PCDHGC4: variants seen among roughly 807,000 people sequenced by gnomAD.
The protein encoded by PCDHGC4 is protocadherin gamma subfamily C, 4.
A neutral mutation model predicts 59.7 loss-of-function variants in PCDHGC4; 15 were observed. The observed-to-expected ratio is 0.25, with a 90% CI of 0.17 to 0.39. PCDHGC4 has a LOEUF of 0.39. Ranked by LOEUF, PCDHGC4 falls within the 10% of genes least tolerant of loss-of-function variation. The probability of loss-of-function intolerance (pLI) is 1.00; values close to 1 mark genes in which losing one functional copy is unlikely to be tolerated. For synonymous variants in PCDHGC4, 434 were observed against 481.4 expected (o/e 0.90, Z 1.29); for missense variants, 1,016 against 1,189.5 (o/e 0.85, Z 2.15).
Position 141,491,034 on chromosome 5 carries a change from T to G in PCDHGC4, c.2442+3419T>G, listed in dbSNP as rs375902824. 1 of 1,614,170 alleles carries G rather than the reference T, an allele frequency of 6.2e-7. No homozygotes were observed. The highest frequency in any genetic ancestry group is 8.5e-7 in the Non-Finnish European group (1 of 1,180,024). On this transcript the variant is annotated intron_variant, in intron 1 of 3. Coordinates refer to ENST00000306593, the MANE Select transcript of PCDHGC4 (RefSeq NM_018928.3). The surrounding 1 kb of genome is among the most constrained non-coding windows in gnomAD (Gnocchi z 6.9). ...CCAAGGTGACAGCCGTGGATGCTGATGCAGGCCACAATGCGTGGCTCTCCT... is the reference window on the plus strand; with the variant it reads ...CCAAGGTGACAGCCGTGGATGCTGAGGCAGGCCACAATGCGTGGCTCTCCT...
Position 141,491,889 on chromosome 5 carries a change from C to T in PCDHGC4, c.2443-2918C>T, listed in dbSNP as rs2099734763. On this transcript the variant is annotated intron_variant, in intron 1 of 3. Transcript: ENST00000306593. The surrounding 1 kb of genome is among the most constrained non-coding windows in gnomAD (Gnocchi z 6.9). ...GAGTGGCCGATTAAGGGATGGGGCT[C>T]CGAGCACCGGGGGTGGTGGCGACTG... 11 of 1,441,360 alleles carry T rather than the reference C, an allele frequency of 7.6e-6. No individual in the cohort carries two copies. Among genetic ancestry groups the T allele is most frequent in the Non-Finnish European group, 1.0e-5 (11 of 1,090,600 alleles). 89.3% of individuals were successfully genotyped at this position (1,441,360 alleles called of 1,614,324 possible).
chr5:141,489,458 G>A lies in PCDHGC4; in HGVS notation c.2442+1843G>A, dbSNP rs143138320. 3.5e-5 allele frequency: 56 copies of A among 1,614,042 alleles called. No homozygotes were observed. The highest frequency in any genetic ancestry group is 8.0e-5 in the African/African-American group (6 of 75,052). ...CAATTGGGCTCTGAGGAGAATGGGC[G>A]CTATTTTTCCCTGAGCTTGATGAGT... is the stretch of plus-strand genomic sequence containing the variant. On this transcript the variant is annotated intron_variant, in intron 1 of 3. Transcript: ENST00000306593. This position sits in a 1 kb window ranked among gnomAD's most constrained non-coding sequence, Gnocchi z 4.5.
chr5:141,489,166 C>A lies in PCDHGC4; in HGVS notation c.2442+1551C>A. The A allele has an allele frequency of 9.1e-7, 1 of 1,099,536 alleles. No individual in the cohort carries two copies. The highest frequency in any genetic ancestry group is 1.3e-6 in the Non-Finnish European group (1 of 761,554). The allele number at this position is 1,099,536 out of a possible 1,614,324, so 68.1% of individuals were successfully genotyped here. ...AAGGAGACATAAGAGACTTCAGCTGCTGCATTCCAAGCCCTGGGTCTACCT... is the reference window on the plus strand; with the variant it reads ...AAGGAGACATAAGAGACTTCAGCTGATGCATTCCAAGCCCTGGGTCTACCT... On this transcript the variant is annotated intron_variant, in intron 1 of 3. Transcript: ENST00000306593. This position sits in a 1 kb window ranked among gnomAD's most constrained non-coding sequence, Gnocchi z 4.5.
chr5:141,499,275 C>T (rs1259707742), intron 2 of PCDHGC4, among the ~76,000 whole-genome samples: 1 of 152,178 alleles, frequency 6.6e-6, no homozygotes, highest in African/African-American at 2.4e-5. Flanking sequence ...CTAGACTGTT[C>T]TCTGATGGCT....
In PCDHGC4 at chr5:141,485,433, A is replaced by G. The variant is rs2099613324; in HGVS notation, c.260A>G (p.Lys87Arg). The change falls in exon 1 of 4, where the codon AAG (lysine) becomes AGG (arginine). Residue 87 changes from lysine (K) to arginine (R), a missense_variant. Transcript: ENST00000306593. The surrounding 1 kb of genome is among the most constrained non-coding windows in gnomAD (Gnocchi z 5.7). Reference protein sequence around the residue: ...VDLDSGALLIKNPIDREALCG... With the variant: ...VDLDSGALLIRNPIDREALCG... The stretch of plus-strand genomic sequence containing the variant: ...TTGGACAGCGGAGCCCTGCTCATCA[A>G]GAACCCAATCGACCGAGAGGCACTG... 6 of 1,614,208 alleles carry G rather than the reference A, an allele frequency of 3.7e-6. No homozygotes were observed. Among genetic ancestry groups the G allele is most frequent in the Non-Finnish European group, 5.1e-6 (6 of 1,180,030 alleles).
At position 141,489,369 on chromosome 5, in the gene PCDHGC4, G is replaced by T; in HGVS notation, c.2442+1754G>T. ...TGGTGGAGGAGTCTGAGCCGGGGAC[G>T]CTGGTGGGGAATGTTGCTCAGGATC... On this transcript the variant is annotated intron_variant, in intron 1 of 3. Coordinates refer to ENST00000306593, the MANE Select transcript of PCDHGC4 (RefSeq NM_018928.3). This position sits in a 1 kb window ranked among gnomAD's most constrained non-coding sequence, Gnocchi z 4.5. 6.2e-7 allele frequency: 1 copy of T among 1,613,592 alleles called. No homozygotes were observed.
rs751024373 is a variant in PCDHGC4, at chr5:141,491,801, G to A, written c.2443-3006G>A. On this transcript the variant is annotated intron_variant, in intron 1 of 3. Coordinates refer to ENST00000306593, the MANE Select transcript of PCDHGC4 (RefSeq NM_018928.3). The surrounding 1 kb of genome is among the most constrained non-coding windows in gnomAD (Gnocchi z 6.9). ...AACTTGCATCCACTCCTCTCCGGCC[G>A]GCTTGGTCGCTGGCTGCGCTCCACC... 2.7e-6 allele frequency: 4 copies of A among 1,500,726 alleles called. No homozygotes were observed. The Admixed American group carries it at 7.3e-5, about 28-fold the overall frequency. 93.0% of individuals were successfully genotyped at this position (1,500,726 alleles called of 1,614,324 possible). A position where few individuals can be genotyped will look rare whatever the true frequency, so the allele number is the denominator to read the frequency against.
intron 2 of PCDHGC4, among the ~76,000 whole-genome samples, chr5:141,500,453 C>T (rs1403599390): frequency 6.6e-6 from 1 of 152,130 alleles, no homozygotes; most frequent in South Asian, 2.1e-4. Context: ...TCGTGATCCG[C>T]CCGCCTCGGC....
Position 141,489,629 on chromosome 5 carries a change from C to T in PCDHGC4, c.2442+2014C>T. Reference sequence around the variant, plus strand: ...GAGATCCTGGATCTCAATGACAACTCTCCTAGCTTTGCCACCCCTGAGCGA... The same window carrying T: ...GAGATCCTGGATCTCAATGACAACTTTCCTAGCTTTGCCACCCCTGAGCGA... On this transcript the variant is annotated intron_variant, in intron 1 of 3. Transcript: ENST00000306593. This position sits in a 1 kb window ranked among gnomAD's most constrained non-coding sequence, Gnocchi z 4.5. 6.2e-7 allele frequency: 1 copy of T among 1,614,142 alleles called. No homozygotes were observed. The highest frequency in any genetic ancestry group is 1.7e-5 in the Admixed American group (1 of 60,032).
At position 141,487,010 on chromosome 5, in the gene PCDHGC4, GC is replaced by G. The variant is rs2099638172; in HGVS notation, c.1841del (p.Pro614GlnfsTer34). ...NAWVSYQLLE[A>X]PDPSLFAVSR... ...TTGGGTTTCCTATCAGCTCCTGGAG[GC>G]CCCAGATCCCAGCCTGTTTGCAGTC... is the stretch of plus-strand genomic sequence containing the variant. On this transcript the variant is annotated frameshift_variant, in exon 1 of 4. Coordinates refer to ENST00000306593, the MANE Select transcript of PCDHGC4 (RefSeq NM_018928.3). LOFTEE classifies it high-confidence loss of function. This position sits in a 1 kb window ranked among gnomAD's most constrained non-coding sequence, Gnocchi z 5.0. 6.2e-7 allele frequency: 1 copy of G among 1,614,096 alleles called. No individual in the cohort carries two copies. Among genetic ancestry groups the G allele is most frequent in the Non-Finnish European group, 8.5e-7 (1 of 1,180,056 alleles).
At position 141,491,539 on chromosome 5, in the gene PCDHGC4, A is replaced by G; in HGVS notation, c.2443-3268A>G. ...GTACATGGAGGTGACGCTGCGGCCC[A>G]CAGACTCGCAGAGCCACTGCTACAG... On this transcript the variant is annotated intron_variant, in intron 1 of 3. Coordinates refer to ENST00000306593, the MANE Select transcript of PCDHGC4 (RefSeq NM_018928.3). This position sits in a 1 kb window ranked among gnomAD's most constrained non-coding sequence, Gnocchi z 6.9. The G allele has an allele frequency of 6.2e-7, 1 of 1,613,968 alleles. No homozygotes were observed. The highest frequency in any genetic ancestry group is 1.1e-5 in the South Asian group (1 of 91,074).
At position 141,485,566 on chromosome 5, in the gene PCDHGC4, C is replaced by T. The variant is rs768144422; in HGVS notation, c.393C>T (p.Pro131=). The T allele has an allele frequency of 6.2e-7, 1 of 1,612,926 alleles. No homozygotes were observed. Among genetic ancestry groups the T allele is most frequent in the African/African-American group, 1.3e-5 (1 of 75,016 alleles). ...TCGTAGATGTGAATGATCACGCCCC[C>T]CGTTTTCCGCGGCAGCAGCTGGACT... ...VEIVDVNDHA[P]RFPRQQLDLE... is the part of the protein sequence containing the mutation. The change falls in exon 1 of 4, where the codon CCC becomes CCT. Residue 131 remains proline (P), a synonymous_variant. Transcript: ENST00000306593. The surrounding 1 kb of genome is among the most constrained non-coding windows in gnomAD (Gnocchi z 5.7).
chr5:141,503,912 AAC>A lies in PCDHGC4; in HGVS notation c.2502-1471_2502-1470del, dbSNP rs34419983. Among the ~76,000 whole-genome samples, 284 of 152,278 alleles carry A rather than the reference AAC, an allele frequency of 1.9e-3. 1 individual carries two copies. The highest frequency in any genetic ancestry group is 0.014 in the Middle Eastern group (4 of 292). Reference sequence around the variant, plus strand: ...GACAAAATATGCACACACACAACGCAACACACACACAGACATTTTCATGCCTT... The same window carrying A: ...GACAAAATATGCACACACACAACGCAACACACACAGACATTTTCATGCCTT... On this transcript the variant is annotated intron_variant, in intron 2 of 3. Coordinates refer to ENST00000306593, the MANE Select transcript of PCDHGC4 (RefSeq NM_018928.3).
intron 2 of PCDHGC4, among the ~76,000 whole-genome samples, chr5:141,497,621 C>T (rs769483223): frequency 7.3e-5 from 11 of 151,482 alleles, no homozygotes; most frequent in Non-Finnish European, 1.3e-4. Flanking sequence ...CTCACTGCAA[C>T]CTCTGCCTGC....
Position 141,489,072 on chromosome 5 carries a change from AC to A in PCDHGC4, c.2442+1462del. The A allele has an allele frequency of 6.3e-6, 1 of 157,708 alleles. No individual in the cohort carries two copies. The highest frequency in any genetic ancestry group is 1.2e-5 in the Non-Finnish European group (1 of 83,994). The allele number at this position is 157,708 out of a possible 1,614,324, so 9.8% of individuals were successfully genotyped here. On this transcript the variant is annotated intron_variant, in intron 1 of 3. Coordinates refer to ENST00000306593, the MANE Select transcript of PCDHGC4 (RefSeq NM_018928.3). This position sits in a 1 kb window ranked among gnomAD's most constrained non-coding sequence, Gnocchi z 4.5. ...AATTCAGCTCCCCTCCCCCCTGCCC[AC>A]CCCCGCCACTCGGTGACTAAGAACT...
chr5:141,487,848 G>C lies in PCDHGC4; in HGVS notation c.2442+233G>C. ...TCATGCCTATATCTGAGTAAGAAAT[G>C]AAAGTAATTGGTGATCAAGAGCCAG... is the stretch of plus-strand genomic sequence containing the variant. On this transcript the variant is annotated intron_variant, in intron 1 of 3. Coordinates refer to ENST00000306593, the MANE Select transcript of PCDHGC4 (RefSeq NM_018928.3). The surrounding 1 kb of genome is among the most constrained non-coding windows in gnomAD (Gnocchi z 5.0). 1 of 1,022,244 alleles carries C rather than the reference G, an allele frequency of 9.8e-7. No homozygotes were observed. The highest frequency in any genetic ancestry group is 1.4e-6 in the Non-Finnish European group (1 of 711,992). The allele number at this position is 1,022,244 out of a possible 1,614,324, so 63.3% of individuals were successfully genotyped here. A position where few individuals can be genotyped will look rare whatever the true frequency, so the allele number is the denominator to read the frequency against.
chr5:141,485,625 G>C lies in PCDHGC4; in HGVS notation c.452G>C (p.Arg151Pro). The change falls in exon 1 of 4, where the codon CGT becomes CCT. Residue 151 changes from arginine (R) to proline (P), a missense_variant. Transcript: ENST00000306593. This position sits in a 1 kb window ranked among gnomAD's most constrained non-coding sequence, Gnocchi z 5.7. ...GGGGAGGCAGCTCCTCCAGGACAGC[G>C]TTTCCCGTTGGAAAAGGCTCAGGAT... Reference protein sequence around the residue: ...EIGEAAPPGQRFPLEKAQDAD... With the variant: ...EIGEAAPPGQPFPLEKAQDAD... The C allele has an allele frequency of 6.2e-7, 1 of 1,611,968 alleles. No individual in the cohort carries two copies. Among genetic ancestry groups the C allele is most frequent in the Non-Finnish European group, 8.5e-7 (1 of 1,178,504 alleles).
intron 3 of PCDHGC4, among the ~76,000 whole-genome samples, chr5:141,509,693 G>A (rs72790076): frequency 0.024 from 3,613 of 152,246 alleles, 55 homozygotes; most frequent in East Asian, 0.046. Flanking sequence ...ACAGTGGGAC[G>A]TTGGACTGGA....
rs1257565821 is a variant in PCDHGC4, at chr5:141,487,319, C to G, written c.2146C>G (p.Leu716Val). ...ATTCGTGGCACTACTCTCTAAGTGTCTTCGTGGGGCAGCCTGTGGAGTCAC... is the reference window on the plus strand; with the variant it reads ...ATTCGTGGCACTACTCTCTAAGTGTGTTCGTGGGGCAGCCTGTGGAGTCAC... ...GSFVALLSKC[L>V]RGAACGVTCF... Residue 716 changes from leucine (L) to valine (V), a missense_variant, in exon 1 of 4, where the codon CTT (leucine) becomes GTT (valine). By Grantham distance (32) the Leu-to-Val change is conservative (BLOSUM62 1). Transcript: ENST00000306593. The surrounding 1 kb of genome is among the most constrained non-coding windows in gnomAD (Gnocchi z 5.0). The G allele has an allele frequency of 6.2e-7, 1 of 1,614,052 alleles. No homozygotes were observed. The highest frequency in any genetic ancestry group is 1.3e-5 in the African/African-American group (1 of 74,930).
Sources: allele counts gnomAD v4.1 joint callset (sites outside exome capture counted in the v4.1 genomes callset), GRCh38; gene constraint gnomAD v4.1.1; non-coding constraint Gnocchi (gnomAD v3.1); transcripts MANE v1.5; gene names NCBI Gene and HGNC (gene_info 2026-07-23, HGNC 2026-07-21).